Variants in PRKN observed in about 807,000 individuals in gnomAD.
PRKN encodes parkin RBR E3 ubiquitin protein ligase.
PRKN carries 56 observed loss-of-function variants against 59.5 expected under a neutral mutation model. The ratio of observed to expected loss-of-function variants is 0.94; its 90% CI spans 0.76 to 1.18. PRKN has a LOEUF of 1.18. Among genes scored for constraint, PRKN ranks in the 50% most tolerant of loss-of-function variants. The pLI, the probability that PRKN is intolerant of heterozygous loss-of-function variation, is 0.00. For synonymous variants in PRKN, 250 were observed against 222.1 expected, an observed-to-expected ratio of 1.13 and a Z score of -1.12; for missense variants, 657 against 596.4, an observed-to-expected ratio of 1.10 and a Z score of -1.06.
intron 6 of PRKN, among the ~76,000 whole-genome samples, chr6:161,787,171 A>T (rs1162402646): frequency 6.6e-6 from 1 of 152,242 alleles, no homozygotes; most frequent in East Asian, 1.9e-4. Flanking sequence ...AGAAATGAAT[A>T]ATACTAATAA....
chr6:161,835,588 C>G (rs1792716654), intron 6 of PRKN, among the ~76,000 whole-genome samples: 1 of 152,218 alleles, frequency 6.6e-6, no homozygotes, highest in Non-Finnish European at 1.5e-5. Context: ...ACACCGCATG[C>G]TGCAGCTGGG....
chr6:162,278,221 C>T (rs924597403), intron 2 of PRKN, among the ~76,000 whole-genome samples: 11 of 152,066 alleles, frequency 7.2e-5, no homozygotes, highest in Non-Finnish European at 1.3e-4. Flanking sequence ...TTGTATTATA[C>T]GACATTCGGA....
intron 6 of PRKN, among the ~76,000 whole-genome samples, chr6:161,907,655 G>T (rs189130399): frequency 6.6e-6 from 1 of 152,272 alleles, no homozygotes; most frequent in East Asian, 1.9e-4. Context: ...GTAAACAATG[G>T]CATGAAAGTG....
chr6:161,973,113 C>A (rs1780886720), intron 6 of PRKN, among the ~76,000 whole-genome samples, 189 bp downstream of exon 6: 1 of 152,130 alleles, frequency 6.6e-6, no homozygotes, highest in African/African-American at 2.4e-5. Flanking sequence ...ATTGTTTCCT[C>A]ACATTAAAAT....
At chr6:162,275,597 C>A (rs1246388815) in intron 2 of PRKN, among the ~76,000 whole-genome samples, 2 of 152,028 alleles carry the variant, frequency 1.3e-5, no homozygotes, top group Non-Finnish European at 2.9e-5. Context: ...CCCACCTGGC[C>A]AACATGGTGA....
At chr6:162,188,785 T>G (rs542871876) in intron 4 of PRKN, among the ~76,000 whole-genome samples, 8 of 151,812 alleles carry the variant, frequency 5.3e-5, no homozygotes, top group Non-Finnish European at 1.2e-4. Context: ...TTCGTTTTTT[T>G]TTTTTTTTTT....
chr6:162,717,471 C>T (rs1778773166), intron 1 of PRKN, among the ~76,000 whole-genome samples: 1 of 150,712 alleles, frequency 6.6e-6, no homozygotes, highest in Admixed American at 6.7e-5. Context: ...ATAGTCCCAG[C>T]TATTCGGGAA....
chr6:162,235,979 A>AAGAAAG (rs1778676163), intron 3 of PRKN, among the ~76,000 whole-genome samples: 2 of 117,434 alleles, frequency 1.7e-5, no homozygotes, highest in African/African-American at 7.1e-5. Flanking sequence ...GAAAGAAAGA[A>AAGAAAG]AGAAAGAAAG....
In PRKN at chr6:161,518,382, C is replaced by T. The variant is rs1157739774; in HGVS notation, c.1083+30472G>A. 6.6e-6 allele frequency among the ~76,000 whole-genome samples: 1 copy of T among 152,196 alleles called. No individual in the cohort carries two copies. The highest frequency in any genetic ancestry group is 2.4e-5 in the African/African-American group (1 of 41,452). ...GGAAAGCAGCAGAAGGGCCCAGAAA[C>T]AGCCAGTAGCCAGGCGTGGTGGTGG... On this transcript the variant is annotated intron_variant, in intron 9 of 11. Transcript: ENST00000366898. This position sits in a 1 kb window ranked among gnomAD's most constrained non-coding sequence, Gnocchi z 5.0.
chr6:162,418,128 G>A (rs1033897342), intron 2 of PRKN, among the ~76,000 whole-genome samples: 2 of 152,036 alleles, frequency 1.3e-5, no homozygotes, highest in African/African-American at 4.8e-5. Flanking sequence ...ACTCATTAGT[G>A]GATAAATAAA....
chr6:162,487,474 C>T (rs183075544), intron 1 of PRKN, among the ~76,000 whole-genome samples: 9 of 152,274 alleles, frequency 5.9e-5, no homozygotes, highest in South Asian at 4.1e-4. Flanking sequence ...GGGCTTTTTA[C>T]GCTCCCTGTC....
Position 161,525,660 on chromosome 6 carries a change from C to A in PRKN, c.1083+23194G>T, listed in dbSNP as rs561303600. Among the ~76,000 whole-genome samples, 31 of 152,274 alleles carry A rather than the reference C, an allele frequency of 2.0e-4. 1 individual carries two copies. Among genetic ancestry groups the A allele is most frequent in the African/African-American group, 7.2e-4 (30 of 41,564 alleles). On this transcript the variant is annotated intron_variant, in intron 9 of 11. Transcript: ENST00000366898. The surrounding 1 kb of genome is among the most constrained non-coding windows in gnomAD (Gnocchi z 4.7). ...ATATGAACAGAGACAAGAGAACCTA[C>A]CTGCACTTAGTATCCCTGTACTTGG...
chr6:161,737,472 T>C (rs1229093051), intron 7 of PRKN, among the ~76,000 whole-genome samples: 1 of 152,114 alleles, frequency 6.6e-6, no homozygotes, highest in Non-Finnish European at 1.5e-5. Flanking sequence ...GGAAATAAAG[T>C]GTGGATAGAA....
At chr6:162,155,044 C>T (rs1057199468) in intron 4 of PRKN, among the ~76,000 whole-genome samples, 1 of 149,612 alleles carries the variant, frequency 6.7e-6, no homozygotes, top group Non-Finnish European at 1.5e-5. Flanking sequence ...TTCAGCAAAA[C>T]ACCCACAACA....
At chr6:162,376,646 A>G (rs1417693464) in intron 2 of PRKN, among the ~76,000 whole-genome samples, 1 of 150,782 alleles carries the variant, frequency 6.6e-6, no homozygotes, top group Admixed American at 6.6e-5. Context: ...TGAATATTAA[A>G]TGTGTAAACA....
chr6:162,601,672 T>C (rs757055663), intron 1 of PRKN, among the ~76,000 whole-genome samples: 8 of 152,198 alleles, frequency 5.3e-5, no homozygotes, highest in African/African-American at 1.9e-4. Flanking sequence ...ACTTTTCATA[T>C]ATGAGCAGTA....
intron 4 of PRKN, among the ~76,000 whole-genome samples, chr6:162,146,920 AG>A (rs1229513405): frequency 6.7e-6 from 1 of 149,404 alleles, no homozygotes; most frequent in African/African-American, 2.5e-5. Context: ...TAGTAGAGAC[AG>A]GGTTTCACAG....
rs191981135 is a variant in PRKN, at chr6:162,157,139, T to A, written c.534+43992A>T. Among the ~76,000 whole-genome samples the A allele has an allele frequency of 2.3e-3, 351 of 152,216 alleles. 2 individuals are homozygous for A. Among genetic ancestry groups the A allele is most frequent in the Non-Finnish European group, 3.7e-3 (253 of 68,002 alleles). ...GGCAAGCCACATTTTGCCAGTATTTTGTTTTTCCTAATCTCGGATTACCTT... is the reference window on the plus strand; with the variant it reads ...GGCAAGCCACATTTTGCCAGTATTTAGTTTTTCCTAATCTCGGATTACCTT... On this transcript the variant is annotated intron_variant, in intron 4 of 11. Coordinates refer to ENST00000366898, the MANE Select transcript of PRKN (RefSeq NM_004562.3).
intron 7 of PRKN, among the ~76,000 whole-genome samples, chr6:161,716,476 T>C (rs949569699): frequency 6.6e-6 from 1 of 152,148 alleles, no homozygotes; most frequent in African/African-American, 2.4e-5. Context: ...AAAAATGCTC[T>C]TACCGTCTCA....
Sources: allele counts gnomAD v4.1 joint callset (sites outside exome capture counted in the v4.1 genomes callset), GRCh38; gene constraint gnomAD v4.1.1; non-coding constraint Gnocchi (gnomAD v3.1); transcripts MANE v1.5; gene names NCBI Gene and HGNC (gene_info 2026-07-23, HGNC 2026-07-21).